The following CTNNBL1 variants were observed in gnomAD, a reference collection of about 807,000 sequenced individuals.
CTNNBL1 encodes beta-catenin-like protein 1.
CTNNBL1 carries 31 observed loss-of-function variants against 72.7 expected under a neutral mutation model. The observed-to-expected ratio is 0.43, with a 90% CI of 0.32 to 0.58. The LOEUF (loss-of-function observed/expected upper bound fraction) is 0.58. CTNNBL1 is among the 20% of genes least tolerant of loss of function. CTNNBL1 has a pLI of 0.08. For synonymous variants in CTNNBL1, 240 were observed against 267.3 expected, an observed-to-expected ratio of 0.90 and a Z score of 1.00; for missense variants, 534 against 725.1, an observed-to-expected ratio of 0.74 and a Z score of 3.03.
intron 1 of CTNNBL1, 47 bp from the exon 2 acceptor site, chr20:37,732,832 T>G (rs7509184): frequency 6.3e-7 from 1 of 1,576,474 alleles, no homozygotes; most frequent in African/African-American, 1.4e-5. Flanking sequence ...CACGCCTGGC[T>G]TCTATGTTGT....
intron 2 of CTNNBL1, among the ~76,000 whole-genome samples, chr20:37,735,001 A>G (rs1318552497): frequency 6.6e-6 from 1 of 152,278 alleles, no homozygotes; most frequent in Non-Finnish European, 1.5e-5. Flanking sequence ...TATTGAGCTT[A>G]CTTGAAAGTG....
intron 11 of CTNNBL1, among the ~76,000 whole-genome samples, chr20:37,825,035 A>G (rs1223017372): frequency 6.6e-6 from 1 of 152,300 alleles, no homozygotes. Context: ...ATCCCTCCAA[A>G]TAAAATGGGT....
chr20:37,869,766 A>ACT lies in CTNNBL1; in HGVS notation c.1604-2158_1604-2157dup, dbSNP rs550543795. ...TGAGCAAAGGAGGCTGAGGGAGGGA[A>ACT]CTAATGTTCCCTGGACGTTTGTTAT... On this transcript the variant is annotated intron_variant, in intron 15 of 15. Transcript: ENST00000361383. Among the ~76,000 whole-genome samples, 361 of 152,272 alleles carry ACT rather than the reference A, an allele frequency of 2.4e-3. 3 individuals carry two copies. The highest frequency in any genetic ancestry group is 8.2e-3 in the African/African-American group (342 of 41,552).
At chr20:37,760,795 A>G (rs2122652639) in intron 5 of CTNNBL1, among the ~76,000 whole-genome samples, 1 of 152,356 alleles carries the variant, frequency 6.6e-6, no homozygotes, top group Admixed American at 6.5e-5. Flanking sequence ...GGCAGATATT[A>G]AGCATTTAGC....
At chr20:37,728,661 T>A (rs922813521) in intron 1 of CTNNBL1, among the ~76,000 whole-genome samples, 1 of 152,202 alleles carries the variant, frequency 6.6e-6, no homozygotes, top group African/African-American at 2.4e-5. Context: ...GTTCTTACGA[T>A]TTTTGCCTTT....
intron 12 of CTNNBL1, among the ~76,000 whole-genome samples, chr20:37,841,875 A>G (rs1013431906): frequency 2.0e-5 from 3 of 152,166 alleles, no homozygotes; most frequent in Non-Finnish European, 2.9e-5. Context: ...AACTAAAAAG[A>G]TTTTACTCAG....
chr20:37,816,790 CAAAAA>C (rs758055546), intron 11 of CTNNBL1, among the ~76,000 whole-genome samples: 1 of 124,002 alleles, frequency 8.1e-6, no homozygotes, highest in Admixed American at 8.1e-5. Flanking sequence ...TTGATAATCA[CAAAAA>C]AAAAAAAGCC....
chr20:37,791,276 G>T (rs940299159), intron 10 of CTNNBL1, among the ~76,000 whole-genome samples: 3 of 152,182 alleles, frequency 2.0e-5, no homozygotes, highest in African/African-American at 7.2e-5. Context: ...TAGTTAAATT[G>T]CTGGGTCATA....
rs77266193 is a variant in CTNNBL1, at chr20:37,785,145, T to C, written c.1031+5810T>C. Among the ~76,000 whole-genome samples, 703 of 152,338 alleles carry C rather than the reference T, an allele frequency of 4.6e-3. 1 individual carries two copies. Among genetic ancestry groups the C allele is most frequent in the Middle Eastern group, 0.01 (3 of 294 alleles). On this transcript the variant is annotated intron_variant, in intron 10 of 15. Transcript: ENST00000361383. ...AGTCTGCTGCCAGACATATTGGAAC[T>C]CCATTGTATATATTATTTCTTTTCT...
chr20:37,733,916 A>G (rs1195839269), intron 2 of CTNNBL1, among the ~76,000 whole-genome samples: 1 of 152,204 alleles, frequency 6.6e-6, no homozygotes, highest in African/African-American at 2.4e-5. Context: ...TAGGCCCTTA[A>G]TAAATATTTA....
intron 14 of CTNNBL1, 33 bp downstream of exon 14, chr20:37,860,069 A>T (rs1351812054): frequency 6.2e-7 from 1 of 1,608,370 alleles, no homozygotes; most frequent in Non-Finnish European, 8.5e-7. Flanking sequence ...GGGCTTATCC[A>T]TCCCTGCCTC....
chr20:37,818,186 A>G (rs1157838389), intron 11 of CTNNBL1, among the ~76,000 whole-genome samples: 1 of 152,222 alleles, frequency 6.6e-6, no homozygotes. Context: ...CCTGTTGAAC[A>G]CTTAATGATT....
intron 4 of CTNNBL1, chr20:37,750,411 C>CA (rs2073308220): frequency 6.6e-6 from 1 of 152,146 alleles, no homozygotes; most frequent in African/African-American, 2.4e-5. Context: ...GCTGCCTTTT[C>CA]AAAATAATGC....
chr20:37,735,960 A>G (rs1156638785), intron 2 of CTNNBL1, among the ~76,000 whole-genome samples: 1 of 152,214 alleles, frequency 6.6e-6, no homozygotes, highest in Non-Finnish European at 1.5e-5. Flanking sequence ...CAGCACATTA[A>G]TTTAAACTGG....
intron 11 of CTNNBL1, among the ~76,000 whole-genome samples, chr20:37,824,845 G>T (rs1026909829): frequency 6.6e-6 from 1 of 152,134 alleles, no homozygotes; most frequent in Non-Finnish European, 1.5e-5. Context: ...CAGTTATTAC[G>T]TCTATATTCC....
At position 37,802,940 on chromosome 20, in the gene CTNNBL1, A is replaced by G. The variant is rs1218546723; in HGVS notation, c.1105A>G (p.Asn369Asp). 1.2e-6 allele frequency: 2 copies of G among 1,614,062 alleles called. No homozygotes were observed. Among genetic ancestry groups the G allele is most frequent in the African/African-American group, 2.7e-5 (2 of 74,922 alleles). Reference sequence around the variant, plus strand: ...CATGATTGGCCCCGAAGGCACAGACAACTGCCATAAGTTTGTTGACATTCT... The same window carrying G: ...CATGATTGGCCCCGAAGGCACAGACGACTGCCATAAGTTTGTTGACATTCT... Reference protein sequence around the residue: ...HAMIGPEGTDNCHKFVDILGL... With the variant: ...HAMIGPEGTDDCHKFVDILGL... The change falls in exon 11 of 16, where the codon AAC becomes GAC. Residue 369 changes from asparagine (N) to aspartate (D), a missense_variant. By Grantham distance (23) the Asn-to-Asp change is conservative. Coordinates refer to ENST00000361383, the MANE Select transcript of CTNNBL1 (RefSeq NM_030877.5).
Position 37,710,564 on chromosome 20 carries a change from G to GC in CTNNBL1, c.30+16420dup, listed in dbSNP as rs377215647. Among the ~76,000 whole-genome samples the GC allele has an allele frequency of 5.1e-3, 768 of 151,422 alleles. 3 individuals are homozygous for GC. Among genetic ancestry groups the GC allele is most frequent in the East Asian group, 0.027 (141 of 5,170 alleles). ...GTTGCTTTTCCTCTAGCATCTCTTT[G>GC]CCCCCCCCACTGCCATCCTGGGAAC... On this transcript the variant is annotated intron_variant, in intron 1 of 15. Transcript: ENST00000361383.
chr20:37,700,789 G>T (rs958305944), intron 1 of CTNNBL1, among the ~76,000 whole-genome samples: 1 of 152,168 alleles, frequency 6.6e-6, no homozygotes, highest in African/African-American at 2.4e-5. Flanking sequence ...TTCACATTTA[G>T]TATGGCTTGT....
intron 7 of CTNNBL1, among the ~76,000 whole-genome samples, chr20:37,776,264 C>T (rs2073572485): frequency 6.6e-6 from 1 of 152,176 alleles, no homozygotes; most frequent in Non-Finnish European, 1.5e-5. Context: ...CTGTAGGCTG[C>T]ACTTAGCTTG....
Sources: gnomAD v4.1 joint callset for allele counts (sites outside exome capture counted in the v4.1 genomes callset) on GRCh38, gnomAD v4.1.1 for gene constraint, MANE v1.5 for transcripts, NCBI Gene and HGNC (gene_info 2026-07-23, HGNC 2026-07-21) for gene names.